The following PDE4D variants were observed in gnomAD, a reference collection of about 807,000 sequenced individuals.
PDE4D encodes 3',5'-cyclic-AMP phosphodiesterase 4D.
In PDE4D, 24 loss-of-function variants were observed where a neutral mutation model predicts 87.4. That is an observed-to-expected ratio of 0.27 (90% CI 0.20 to 0.39). The LOEUF (loss-of-function observed/expected upper bound fraction) is 0.39. Ranked by LOEUF, PDE4D falls within the 10% of genes least tolerant of loss-of-function variation. The pLI is 1.00. For synonymous variants in PDE4D, 384 were observed against 383.2 expected (o/e 1.00, Z -0.02); for missense variants, 714 against 1,041.0 (o/e 0.69, Z 4.32).
At chr5:59,822,760 A>G (rs1472133480) in intron 1 of PDE4D, among the ~76,000 whole-genome samples, 1 of 152,160 alleles carries the variant, frequency 6.6e-6, no homozygotes, top group Non-Finnish European at 1.5e-5. Context: ...GCCTAAAACA[A>G]TGCAGCCCCT....
At chr5:60,126,107 G>C (rs546085241) in intron 2 of PDE4D, among the ~76,000 whole-genome samples, 89 of 151,668 alleles carry the variant, frequency 5.9e-4, no homozygotes, top group African/African-American at 2.1e-3. Flanking sequence ...ATTTAATAAA[G>C]CTTCAAGAAC....
chr5:59,130,300 C>T (rs1776089307), intron 5 of PDE4D, among the ~76,000 whole-genome samples: 1 of 152,156 alleles, frequency 6.6e-6, no homozygotes, highest in Non-Finnish European at 1.5e-5. Flanking sequence ...GATAACTAAG[C>T]TTTGTGTACA....
At chr5:60,056,683 C>A (rs1009014011) in intron 2 of PDE4D, among the ~76,000 whole-genome samples, 1 of 152,004 alleles carries the variant, frequency 6.6e-6, no homozygotes, top group Non-Finnish European at 1.5e-5. Context: ...CTTAAGCAAC[C>A]TGTCTAATTT....
intron 5 of PDE4D, among the ~76,000 whole-genome samples, chr5:59,172,259 T>A (rs1344709869): frequency 8.2e-6 from 1 of 121,626 alleles, no homozygotes. Context: ...ATAATAAATA[T>A]ATATTTATAC....
intron 5 of PDE4D, among the ~76,000 whole-genome samples, chr5:59,080,975 A>C (rs1215794434): frequency 6.6e-6 from 1 of 152,174 alleles, no homozygotes; most frequent in East Asian, 1.9e-4. Context: ...CTTCATTGAC[A>C]TCCCAAGTTT....
intron 2 of PDE4D, among the ~76,000 whole-genome samples, chr5:60,083,188 T>C (rs1023780894): frequency 6.6e-5 from 10 of 152,174 alleles, no homozygotes; most frequent in Non-Finnish European, 1.2e-4. Context: ...TAGCTTGCAA[T>C]TGGACAATAT....
chr5:60,004,285 T>G (rs1199486968), intron 2 of PDE4D, among the ~76,000 whole-genome samples: 2 of 152,114 alleles, frequency 1.3e-5, no homozygotes, highest in African/African-American at 2.4e-5. Flanking sequence ...TTGGTATCCA[T>G]GGGGGATTGG....
chr5:59,243,448 C>CTTTTTTTTTT (rs767287011), intron 1 of PDE4D, among the ~76,000 whole-genome samples: 1 of 72,282 alleles, frequency 1.4e-5, no homozygotes, highest in Non-Finnish European at 2.6e-5. Context: ...TTAAAATAAC[C>CTTTTTTTTTT]TTTTTTTTTT....
chr5:59,267,839 T>C (rs896223516), intron 1 of PDE4D, among the ~76,000 whole-genome samples: 4 of 152,108 alleles, frequency 2.6e-5, no homozygotes, highest in African/African-American at 9.7e-5. Context: ...AGTTTTCTAA[T>C]TTCTTATTCT....
intron 1 of PDE4D, among the ~76,000 whole-genome samples, chr5:59,761,442 A>T (rs951322715): frequency 6.6e-6 from 1 of 152,190 alleles, no homozygotes; most frequent in South Asian, 2.1e-4. Flanking sequence ...TTTTCTTTTA[A>T]TTTTTTGGCT....
intron 5 of PDE4D, among the ~76,000 whole-genome samples, chr5:59,124,199 T>C (rs1476894438): frequency 6.6e-6 from 1 of 151,952 alleles, no homozygotes; most frequent in East Asian, 1.9e-4. Flanking sequence ...GAGTGAGGAG[T>C]TCTATTTGTT....
chr5:59,998,161 C>CA (rs1763684929), intron 2 of PDE4D, among the ~76,000 whole-genome samples: 1 of 152,196 alleles, frequency 6.6e-6, no homozygotes, highest in Admixed American at 6.5e-5. Context: ...CCAGGTTTAG[C>CA]TGATATCAAT....
intron 1 of PDE4D, among the ~76,000 whole-genome samples, chr5:59,773,285 A>C: frequency 6.6e-6 from 1 of 152,194 alleles, no homozygotes; most frequent in South Asian, 2.1e-4. Flanking sequence ...AATGGCATAA[A>C]TGGGATTTAA....
At chr5:59,721,992 G>A (rs1030535557) in intron 1 of PDE4D, among the ~76,000 whole-genome samples, 1 of 152,176 alleles carries the variant, frequency 6.6e-6, no homozygotes, top group Non-Finnish European at 1.5e-5. Context: ...ACAGTCTAGT[G>A]AGGGGGTGTG....
chr5:59,052,004 T>C (rs1340338257), intron 5 of PDE4D, among the ~76,000 whole-genome samples: 4 of 152,210 alleles, frequency 2.6e-5, no homozygotes, highest in Admixed American at 1.3e-4. Flanking sequence ...TACATATTTA[T>C]TGAGCCTCTC....
chr5:59,869,782 C>T (rs572172168), intron 1 of PDE4D, among the ~76,000 whole-genome samples: 1 of 152,272 alleles, frequency 6.6e-6, no homozygotes, highest in South Asian at 2.1e-4. Context: ...TTCTTACTAT[C>T]TGCTATCAAA....
At chr5:59,775,340 C>T (rs543470726) in intron 1 of PDE4D, among the ~76,000 whole-genome samples, 8 of 152,188 alleles carry the variant, frequency 5.3e-5, no homozygotes, top group Admixed American at 1.3e-4. Context: ...ACTAGATCAT[C>T]CCTTAGCCTA....
intron 2 of PDE4D, among the ~76,000 whole-genome samples, chr5:60,151,605 C>T (rs1393160555): frequency 6.6e-6 from 1 of 152,090 alleles, no homozygotes; most frequent in Non-Finnish European, 1.5e-5. Flanking sequence ...ATTTCATATT[C>T]TGCAAGTTTA....
intron 1 of PDE4D, among the ~76,000 whole-genome samples, chr5:59,479,191 G>A (rs1015523739): frequency 1.3e-5 from 2 of 151,932 alleles, no homozygotes; most frequent in African/African-American, 2.4e-5. Flanking sequence ...TGATGCTCAG[G>A]CCCCATGCTC....
Sources: allele counts gnomAD v4.1 joint callset (sites outside exome capture counted in the v4.1 genomes callset), GRCh38; gene constraint gnomAD v4.1.1; transcripts MANE v1.5; gene names NCBI Gene and HGNC (gene_info 2026-07-23, HGNC 2026-07-21).